The following LHFPL7 variants were observed in gnomAD, a reference collection of about 807,000 sequenced individuals.
LHFPL7 encodes LHFPL tetraspan subfamily member 7 protein.
chr22:24,942,785 G>C, the LHFPL7 span, among the ~76,000 whole-genome samples: 1 of 152,128 alleles, frequency 6.6e-6, no homozygotes, highest in Admixed American at 6.5e-5. Context: ...ATGGAAAAAG[G>C]CAGAGAAGCC....
the LHFPL7 span, among the ~76,000 whole-genome samples, chr22:24,939,924 C>CTTTTTTTTTTTTTTT: frequency 2.8e-4 from 24 of 86,990 alleles, 1 homozygote; most frequent in African/African-American, 1.0e-3. Flanking sequence ...TCATTTATCG[C>CTTTTTTTTTTTTTTT]TTTTTTTTTT....
At chr22:24,940,998 G>A in the LHFPL7 span, among the ~76,000 whole-genome samples, 1 of 151,648 alleles carries the variant, frequency 6.6e-6, no homozygotes, top group Non-Finnish European at 1.5e-5. Context: ...TGGAAACAAG[G>A]TCTCCCTATA....
At chr22:24,939,530 C>G in the LHFPL7 span, 4 of 702,840 alleles carry the variant, frequency 5.7e-6, no homozygotes, top group Admixed American at 2.0e-5. Flanking sequence ...ACACACTGCT[C>G]AACATTAGGC....
the LHFPL7 span, chr22:24,946,505 T>C: frequency 6.7e-6 from 1 of 148,306 alleles, no homozygotes; most frequent in African/African-American, 2.5e-5. Flanking sequence ...CTGAACGTGC[T>C]TTGTGCTATC....
chr22:24,945,421 C>A, the LHFPL7 span, among the ~76,000 whole-genome samples: 5 of 152,172 alleles, frequency 3.3e-5, no homozygotes, highest in South Asian at 1.0e-3. Context: ...GGGAGGAGGA[C>A]AAAGAGTGGT....
At chr22:24,942,260 C>T in the LHFPL7 span, among the ~76,000 whole-genome samples, 1 of 152,216 alleles carries the variant, frequency 6.6e-6, no homozygotes, top group East Asian at 1.9e-4. Flanking sequence ...TCCCAAAGTG[C>T]TGGGATTACA....
the LHFPL7 span, among the ~76,000 whole-genome samples, chr22:24,944,774 GTCTC>G: frequency 6.6e-6 from 1 of 151,358 alleles, no homozygotes; most frequent in Non-Finnish European, 1.5e-5. Context: ...ATGAGGTGAG[GTCTC>G]TCTATGTTGC....
At chr22:24,942,488 G>A in the LHFPL7 span, among the ~76,000 whole-genome samples, 2 of 152,226 alleles carry the variant, frequency 1.3e-5, no homozygotes, top group Middle Eastern at 3.2e-3. Flanking sequence ...CAGCTGAGCT[G>A]CCAACCAGGC....
At chr22:24,935,685 C>T in the LHFPL7 span, 1 of 1,478,486 alleles carries the variant, frequency 6.8e-7, no homozygotes, top group Non-Finnish European at 9.1e-7. Context: ...TTTATCCACC[C>T]ATCCATCTAT....
the LHFPL7 span, among the ~76,000 whole-genome samples, chr22:24,937,000 T>C: frequency 6.6e-6 from 1 of 152,138 alleles, no homozygotes; most frequent in African/African-American, 2.4e-5. Context: ...AAATGTTTAT[T>C]GGGCACCTAT....
chr22:24,935,664 C>T, the LHFPL7 span: 1 of 1,536,762 alleles, frequency 6.5e-7, no homozygotes. Flanking sequence ...CATCCCACGA[C>T]TCATCCACCC....
At chr22:24,945,833 C>T in the LHFPL7 span, among the ~76,000 whole-genome samples, 3 of 152,206 alleles carry the variant, frequency 2.0e-5, no homozygotes, top group Non-Finnish European at 4.4e-5. Context: ...TCTCTTATCA[C>T]ATTCTCCCGG....
the LHFPL7 span, among the ~76,000 whole-genome samples, chr22:24,939,122 G>A: frequency 3.0e-3 from 453 of 152,304 alleles, no homozygotes; most frequent in Non-Finnish European, 3.9e-3. Context: ...ACAGAACTTG[G>A]CATCTTTGCA....
the LHFPL7 span, among the ~76,000 whole-genome samples, chr22:24,940,803 G>C: frequency 7.3e-6 from 1 of 136,186 alleles, no homozygotes; most frequent in Non-Finnish European, 1.6e-5. Flanking sequence ...CTTTCTTTCA[G>C]AGAAAAAAGG....
chr22:24,936,390 TCATC>T, the LHFPL7 span, among the ~76,000 whole-genome samples: 1 of 152,174 alleles, frequency 6.6e-6, no homozygotes. Context: ...ATCTATCCAT[TCATC>T]CATCTACCAA....
chr22:24,938,200 G>T, the LHFPL7 span: 1 of 1,614,216 alleles, frequency 6.2e-7, no homozygotes, highest in South Asian at 1.1e-5. Flanking sequence ...CTTGGGCACA[G>T]CCCTTTGGGG....
the LHFPL7 span, chr22:24,938,222 A>C: frequency 6.2e-7 from 1 of 1,614,124 alleles, no homozygotes; most frequent in East Asian, 2.2e-5. Flanking sequence ...CCACAGCCCA[A>C]GACAGGAGGA....
the LHFPL7 span, among the ~76,000 whole-genome samples, chr22:24,945,118 G>T: frequency 6.6e-6 from 1 of 152,000 alleles, no homozygotes; most frequent in African/African-American, 2.4e-5. Flanking sequence ...GCCTAGGCTG[G>T]TCTTGAACTC....
the LHFPL7 span, among the ~76,000 whole-genome samples, chr22:24,946,412 C>T: frequency 8.4e-6 from 1 of 119,618 alleles, no homozygotes; most frequent in African/African-American, 3.6e-5. Flanking sequence ...CACATGCACC[C>T]ACCCACCCAC....
Sources: allele counts gnomAD v4.1 joint callset (sites outside exome capture counted in the v4.1 genomes callset), GRCh38; gene constraint gnomAD v4.1.1; transcripts MANE v1.5; gene names NCBI Gene and HGNC (gene_info 2026-07-23, HGNC 2026-07-21).